Variants in LDHAL6A observed in about 807,000 individuals in gnomAD.
LDHAL6A encodes the protein L-lactate dehydrogenase A-like 6A.
In LDHAL6A, 19 loss-of-function variants were observed where a neutral mutation model predicts 28.2. That is an observed-to-expected ratio of 0.67 (90% CI 0.47 to 0.99). The LOEUF (loss-of-function observed/expected upper bound fraction) is 0.99, where lower values mean the gene tolerates loss of function less well. Ranked by LOEUF, LDHAL6A falls within the 50% of genes least tolerant of loss-of-function variation. The pLI is 0.00. For missense variants in LDHAL6A, 372 were observed against 398.6 expected (o/e 0.93, Z 0.57); for synonymous variants, 144 against 134.4 (o/e 1.07, Z -0.49).
intron 3 of LDHAL6A, among the ~76,000 whole-genome samples, chr11:18,471,996 C>A (rs906103752): frequency 3.3e-5 from 5 of 151,804 alleles, no homozygotes; most frequent in Non-Finnish European, 7.4e-5. Flanking sequence ...GGAAGATAAC[C>A]TAAACAATTG....
At chr11:18,476,652 T>A in intron 5 of LDHAL6A, 151 bp downstream of exon 5, 1 of 1,413,710 alleles carries the variant, frequency 7.1e-7, no homozygotes, top group Non-Finnish European at 9.3e-7. Context: ...ATTCACCAGA[T>A]TATAAATTCT....
chr11:18,465,637 A>T lies in LDHAL6A; in HGVS notation c.245A>T (p.Asp82Val). The change falls in exon 3 of 7, where the codon GAT (aspartate) becomes GTT (valine). Residue 82 changes from aspartate to valine, a missense_variant and splice_region_variant. Around this residue, in one of 3 missense-constraint regions of LDHAL6A, gnomAD observed 291 missense variants for 302.9 expected, o/e 0.96. Transcript: ENST00000280706. ...ATTGTTTATTCTAATCTTTCCTCAG[A>T]TTACCTGGTCACTGCAAACTCCAAT... Reference protein sequence around the residue: ...MKMPNIVSSKDYLVTANSNLV... With the variant: ...MKMPNIVSSKVYLVTANSNLV... The T allele has an allele frequency of 6.2e-7, 1 of 1,611,206 alleles. No individual in the cohort carries two copies. The highest frequency in any genetic ancestry group is 8.5e-7 in the Non-Finnish European group (1 of 1,178,844).
intron 4 of LDHAL6A, 35 bp downstream of exon 4, chr11:18,475,674 C>G (rs939452707): frequency 2.6e-6 from 4 of 1,562,084 alleles, no homozygotes; most frequent in Non-Finnish European, 3.5e-6. Context: ...TCTGAAATAT[C>G]TATTTCCTAT....
At chr11:18,466,057 T>C (rs559039614) in intron 3 of LDHAL6A, among the ~76,000 whole-genome samples, 1 of 152,152 alleles carries the variant, frequency 6.6e-6, no homozygotes. Flanking sequence ...CTCCCACTTA[T>C]AGTGAGAACA....
intron 3 of LDHAL6A, among the ~76,000 whole-genome samples, chr11:18,466,099 G>C (rs1849064422): frequency 6.6e-6 from 1 of 152,116 alleles, no homozygotes; most frequent in African/African-American, 2.4e-5. Context: ...GCATTAATTA[G>C]CTTGGAATAA....
At chr11:18,463,637 T>C (rs1848979565) in intron 1 of LDHAL6A, among the ~76,000 whole-genome samples, 1 of 152,212 alleles carries the variant, frequency 6.6e-6, no homozygotes, top group Non-Finnish European at 1.5e-5. Flanking sequence ...AGAAATTCCT[T>C]CAGCAGAAGC....
intron 2 of LDHAL6A, among the ~76,000 whole-genome samples, chr11:18,464,569 G>A (rs555585538): frequency 6.6e-6 from 1 of 152,196 alleles, no homozygotes; most frequent in African/African-American, 2.4e-5. Context: ...ATAAAAATTA[G>A]CCGGGCGTGG....
chr11:18,479,001 G>C lies in LDHAL6A; in HGVS notation c.*131G>C. Reference sequence around the variant, plus strand: ...AGGAAAGAGTGACCTATTTAGTATAGCCTTCCAGCTTTTTTTTTTTTCTTT... The same window carrying C: ...AGGAAAGAGTGACCTATTTAGTATACCCTTCCAGCTTTTTTTTTTTTCTTT... On this transcript the variant is annotated 3_prime_UTR_variant, in exon 7 of 7. Coordinates refer to ENST00000280706, the MANE Select transcript of LDHAL6A (RefSeq NM_144972.5). The C allele has an allele frequency of 1.3e-6, 1 of 751,634 alleles. No homozygotes were observed. Among genetic ancestry groups the C allele is most frequent in the Non-Finnish European group, 2.1e-6 (1 of 473,688 alleles). The allele number at this position is 751,634 out of a possible 1,614,324, so 46.6% of individuals were successfully genotyped here. A position where few individuals can be genotyped will look rare whatever the true frequency, so the allele number is the denominator to read the frequency against.
In LDHAL6A at chr11:18,478,820, C is replaced by CA. The variant is rs771124054; in HGVS notation, c.953dup (p.Ser319GlufsTer25). 3 of 1,613,842 alleles carry CA rather than the reference C, an allele frequency of 1.9e-6. No homozygotes were observed. Among genetic ancestry groups the CA allele is most frequent in the Admixed American group, 1.7e-5 (1 of 59,974 alleles). On this transcript the variant is annotated frameshift_variant, in exon 7 of 7. Transcript: ENST00000280706. LOFTEE classifies it high-confidence loss of function. ...GACTCTTGAAGAGGAGGCCTGCTTG[C>CA]AAAAGAGTGCAGAAACACTTTGGGA...
intron 2 of LDHAL6A, among the ~76,000 whole-genome samples, chr11:18,464,987 G>GTTTTTTTTTTTTT (rs1449560278): frequency 2.9e-5 from 3 of 104,348 alleles, no homozygotes; most frequent in Non-Finnish European, 4.0e-5. Flanking sequence ...GTTTTTTTTT[G>GTTTTTTTTTTTTT]TTTTGTTTTG....
chr11:18,465,129 A>G (rs1037157169), intron 2 of LDHAL6A, among the ~76,000 whole-genome samples: 20 of 151,584 alleles, frequency 1.3e-4, no homozygotes, highest in Non-Finnish European at 2.9e-5. Context: ...ACTGTACCCA[A>G]TTTAGGAGGT....
At chr11:18,459,642 G>A (rs557180646) in intron 1 of LDHAL6A, among the ~76,000 whole-genome samples, 35 of 152,216 alleles carry the variant, frequency 2.3e-4, no homozygotes, top group African/African-American at 8.2e-4. Flanking sequence ...CATTTGTCAC[G>A]ATGAAAGAAT....
chr11:18,473,698 C>T (rs1361086894), intron 3 of LDHAL6A, among the ~76,000 whole-genome samples: 1 of 152,106 alleles, frequency 6.6e-6, no homozygotes, highest in Non-Finnish European at 1.5e-5. Context: ...CGTGTCTGGC[C>T]TTGGTTTATT....
intron 1 of LDHAL6A, among the ~76,000 whole-genome samples, chr11:18,458,016 A>C (rs1037799564): frequency 1.3e-5 from 2 of 152,222 alleles, no homozygotes; most frequent in Non-Finnish European, 2.9e-5. Flanking sequence ...TTGAAATAAA[A>C]GATTTATTTA....
intron 1 of LDHAL6A, among the ~76,000 whole-genome samples, chr11:18,460,903 T>TC (rs1184300000): frequency 6.6e-6 from 1 of 152,174 alleles, no homozygotes; most frequent in African/African-American, 2.4e-5. Flanking sequence ...ATGGTCAATC[T>TC]GATAGCTCAC....
intron 3 of LDHAL6A, among the ~76,000 whole-genome samples, chr11:18,472,518 T>C (rs1849278063): frequency 6.6e-6 from 1 of 152,156 alleles, no homozygotes; most frequent in Admixed American, 6.5e-5. Flanking sequence ...ACTATTTGAG[T>C]ACTTAAATCT....
chr11:18,467,880 C>CACATAT (rs1185900320), intron 3 of LDHAL6A, among the ~76,000 whole-genome samples: 620 of 44,288 alleles, frequency 0.014, 11 homozygotes, highest in South Asian at 0.016. Flanking sequence ...TATATACACA[C>CACATAT]ATATATATAT....
intron 2 of LDHAL6A, among the ~76,000 whole-genome samples, chr11:18,464,977 G>GTTTGTTTTTTTTTTTTTTTTTTTTT (rs1849013732): frequency 6.4e-5 from 8 of 125,566 alleles, no homozygotes; most frequent in African/African-American, 2.0e-4. Context: ...TGTTTTTTTT[G>GTTTGTTTTTTTTTTTTTTTTTTTTT]TTTTTTTTTG....
At position 18,465,516 on chromosome 11, in the gene LDHAL6A, GA is replaced by G. The variant is rs1193718863; in HGVS notation, c.245-119del. ...ATTAAAAAGTAGTCTAGGCATACTA[GA>G]AGATTTAAGGGAACCCACTCTTTGG... On this transcript the variant is annotated intron_variant, in intron 2 of 6. Coordinates refer to ENST00000280706, the MANE Select transcript of LDHAL6A (RefSeq NM_144972.5). 1.1e-5 allele frequency: 7 copies of G among 655,790 alleles called. No homozygotes were observed. In the African/African-American group the frequency reaches 1.3e-4, roughly 12 times the overall value. The allele number at this position is 655,790 out of a possible 1,614,324, so 40.6% of individuals were successfully genotyped here.
Sources: gnomAD v4.1 joint callset for allele counts (sites outside exome capture counted in the v4.1 genomes callset) on GRCh38, gnomAD v4.1.1 for gene constraint, gnomAD v4.1.1 regional missense constraint, MANE v1.5 for transcripts, NCBI Gene and HGNC (gene_info 2026-07-23, HGNC 2026-07-21) for gene names.